CAP1: variants seen among roughly 807,000 people sequenced by gnomAD.
CAP1 encodes the protein cyclase associated actin cytoskeleton regulatory protein 1.
A neutral mutation model predicts 58.2 loss-of-function variants in CAP1; 11 were observed. That is an observed-to-expected ratio of 0.19 (90% CI 0.12 to 0.31). The LOEUF (loss-of-function observed/expected upper bound fraction) is 0.31, where lower values mean the gene tolerates loss of function less well. Among genes scored for constraint, CAP1 ranks in the 10% least tolerant of loss-of-function variants. The pLI, the probability that CAP1 is intolerant of heterozygous loss-of-function variation, is 1.00. For synonymous variants in CAP1, 183 were observed against 213.8 expected, an observed-to-expected ratio of 0.86 and a Z score of 1.26; for missense variants, 423 against 587.5, an observed-to-expected ratio of 0.72 and a Z score of 2.89.
intron 1 of CAP1, among the ~76,000 whole-genome samples, chr1:40,055,963 A>T (rs1310288327): frequency 6.6e-6 from 1 of 152,166 alleles, no homozygotes; most frequent in African/African-American, 2.4e-5. Context: ...GCACTTCTAC[A>T]TGGATTCCTT....
intron 1 of CAP1, among the ~76,000 whole-genome samples, chr1:40,043,830 T>C (rs536369920): frequency 4.7e-4 from 72 of 152,072 alleles, no homozygotes; most frequent in South Asian, 1.2e-3. Context: ...TGAGCTGAGA[T>C]TGCACTGCTG....
chr1:40,060,615 G>A (rs1029661186), intron 3 of CAP1, among the ~76,000 whole-genome samples: 6 of 152,034 alleles, frequency 3.9e-5, no homozygotes, highest in African/African-American at 1.4e-4. Context: ...AGTAGGCAAT[G>A]ACAGGTGCCT....
At chr1:40,049,402 G>A (rs1484404603) in intron 1 of CAP1, among the ~76,000 whole-genome samples, 1 of 151,724 alleles carries the variant, frequency 6.6e-6, no homozygotes, top group Non-Finnish European at 1.5e-5. Context: ...GTAGAGACGA[G>A]GTTTCGCCAT....
chr1:40,072,442 A>C lies in CAP1; in HGVS notation c.*909A>C, dbSNP rs2124461572. ...CACTGCAGGCTGGTTTTAGGTCTTG[A>C]ATTATGTAAGAATCTTGCACAGCAC... On this transcript the variant is annotated 3_prime_UTR_variant, in exon 13 of 13. Transcript: ENST00000372805. 5.2e-6 allele frequency: 1 copy of C among 193,940 alleles called. No individual in the cohort carries two copies. Among genetic ancestry groups the C allele is most frequent in the Non-Finnish European group, 1.0e-5 (1 of 96,530 alleles). 12.0% of individuals were successfully genotyped at this position (193,940 alleles called of 1,614,324 possible).
At chr1:40,053,388 A>G (rs1029754983) in intron 1 of CAP1, among the ~76,000 whole-genome samples, 3 of 152,270 alleles carry the variant, frequency 2.0e-5, no homozygotes, top group East Asian at 1.9e-4. Flanking sequence ...AGAGCTGCAG[A>G]GTAGGATTCA....
intron 6 of CAP1, among the ~76,000 whole-genome samples, chr1:40,065,249 T>C (rs922538663): frequency 3.9e-5 from 6 of 152,190 alleles, no homozygotes; most frequent in African/African-American, 1.4e-4. Context: ...TCAGTTAAAG[T>C]GAGAGTAAGG....
intron 1 of CAP1, among the ~76,000 whole-genome samples, chr1:40,045,373 T>C (rs1013434943): frequency 1.3e-5 from 2 of 152,274 alleles, no homozygotes; most frequent in East Asian, 1.9e-4. Context: ...TATCCTACAA[T>C]GAATGAATCA....
In CAP1 at chr1:40,070,088, T is replaced by C. The variant is rs866564567; in HGVS notation, c.994-71T>C. On this transcript the variant is annotated intron_variant, in intron 9 of 12. Coordinates refer to ENST00000372805, the MANE Select transcript of CAP1 (RefSeq NM_006367.4). Reference sequence around the variant, plus strand: ...GGCTTCAATTGCAAGAACAAAAAGTTTGGGATAGCCTGGTTATTTTTTGTT... The same window carrying C: ...GGCTTCAATTGCAAGAACAAAAAGTCTGGGATAGCCTGGTTATTTTTTGTT... 2.8e-5 allele frequency: 44 copies of C among 1,599,564 alleles called. No individual in the cohort carries two copies. In the African/African-American group the frequency reaches 4.3e-4, roughly 16 times the overall value.
chr1:40,042,040 T>TTA (rs1645858968), intron 1 of CAP1, among the ~76,000 whole-genome samples: 1 of 133,588 alleles, frequency 7.5e-6, no homozygotes, highest in South Asian at 2.4e-4. Context: ...TTATTTAATT[T>TTA]ATTTATTTGT....
chr1:40,046,292 C>T (rs1402505482), intron 1 of CAP1, among the ~76,000 whole-genome samples: 1 of 152,072 alleles, frequency 6.6e-6, no homozygotes, highest in Non-Finnish European at 1.5e-5. Flanking sequence ...CCCGTCCCTA[C>T]TAAAATTACA....
At chr1:40,045,474 T>TTGCA (rs1646049203) in intron 1 of CAP1, among the ~76,000 whole-genome samples, 1 of 152,170 alleles carries the variant, frequency 6.6e-6, no homozygotes, top group Non-Finnish European at 1.5e-5. Flanking sequence ...TCATGGCTGA[T>TTGCA]TGCAACCTCC....
At chr1:40,059,165 A>G (rs989695776) in intron 1 of CAP1, among the ~76,000 whole-genome samples, 172 bp from the exon 2 acceptor site, 1 of 151,948 alleles carries the variant, frequency 6.6e-6, no homozygotes. Flanking sequence ...TTTATCTGAT[A>G]TTTTTGTATT....
intron 1 of CAP1, among the ~76,000 whole-genome samples, chr1:40,050,929 C>T (rs1026405975): frequency 6.6e-6 from 1 of 152,212 alleles, no homozygotes; most frequent in Non-Finnish European, 1.5e-5. Flanking sequence ...CCAGCTTGCT[C>T]ATGCATCCTT....
intron 1 of CAP1, among the ~76,000 whole-genome samples, chr1:40,057,781 A>T (rs1395538854): frequency 6.6e-6 from 1 of 152,194 alleles, no homozygotes; most frequent in Non-Finnish European, 1.5e-5. Flanking sequence ...CAGTTACCTG[A>T]ACTGAATTCA....
Position 40,069,703 on chromosome 1 carries a change from A to G in CAP1, c.822A>G (p.Val274=), listed in dbSNP as rs773430808. Residue 274 remains valine (V), a synonymous_variant, in exon 9 of 13, where the codon GTA becomes GTG. Transcript: ENST00000372805. ...TTGTTCTTACAGCCCTGAAACATGT[A>G]TCTGATGACATGAAGACTCACAAGA... is the stretch of plus-strand genomic sequence containing the variant. ...GESITHALKH[V]SDDMKTHKNP... is the part of the protein sequence containing the mutation. 3.7e-6 allele frequency: 6 copies of G among 1,613,554 alleles called. No individual in the cohort carries two copies. The highest frequency in any genetic ancestry group is 4.5e-5 in the East Asian group (2 of 44,818).
In CAP1 at chr1:40,064,551, C is replaced by T; in HGVS notation, c.516C>T (p.Tyr172=). The T allele has an allele frequency of 1.9e-6, 3 of 1,610,962 alleles. No homozygotes were observed. Among genetic ancestry groups the T allele is most frequent in the Non-Finnish European group, 2.5e-6 (3 of 1,177,822 alleles). ...MFYTNRVLKE[Y]KDVDKKHVDW... is the part of the protein sequence containing the mutation. Reference sequence around the variant, plus strand: ...ATACAAACCGAGTCCTCAAAGAGTACAAAGATGTGTAAGTTCAGCCTTTTC... The same window carrying T: ...ATACAAACCGAGTCCTCAAAGAGTATAAAGATGTGTAAGTTCAGCCTTTTC... Residue 172 remains tyrosine (Y), a synonymous_variant, in exon 6 of 13, where the codon TAC becomes TAT. Coordinates refer to ENST00000372805, the MANE Select transcript of CAP1 (RefSeq NM_006367.4).
At chr1:40,059,683 C>T (rs905857998) in intron 2 of CAP1, among the ~76,000 whole-genome samples, 1 of 152,114 alleles carries the variant, frequency 6.6e-6, no homozygotes, top group Non-Finnish European at 1.5e-5. Context: ...ATATTTCCTG[C>T]TCTTTCTTTA....
chr1:40,071,880 G>T lies in CAP1; in HGVS notation c.*347G>T. 1 of 436,938 alleles carries T rather than the reference G, an allele frequency of 2.3e-6. No homozygotes were observed. The highest frequency in any genetic ancestry group is 4.1e-6 in the Non-Finnish European group (1 of 246,754). The allele number at this position is 436,938 out of a possible 1,614,324, so 27.1% of individuals were successfully genotyped here. A position where few individuals can be genotyped will look rare whatever the true frequency, so the allele number is the denominator to read the frequency against. ...GTCCATTGGAAAGAAAACAGTCCCT[G>T]GAATTAACAGATCAGAATGTTCACA... is the stretch of plus-strand genomic sequence containing the variant. On this transcript the variant is annotated 3_prime_UTR_variant, in exon 13 of 13. Coordinates refer to ENST00000372805, the MANE Select transcript of CAP1 (RefSeq NM_006367.4).
intron 1 of CAP1, among the ~76,000 whole-genome samples, chr1:40,048,440 A>G (rs1646206315): frequency 6.6e-6 from 1 of 152,230 alleles, no homozygotes; most frequent in South Asian, 2.1e-4. Context: ...GCCAACTTGT[A>G]TCTTCTGGTA....
Sources: gnomAD v4.1 joint callset for allele counts (sites outside exome capture counted in the v4.1 genomes callset) on GRCh38, gnomAD v4.1.1 for gene constraint, MANE v1.5 for transcripts, NCBI Gene and HGNC (gene_info 2026-07-23, HGNC 2026-07-21) for gene names.